Variants in ULK3 observed in about 807,000 individuals in gnomAD.
ULK3 encodes the protein serine/threonine-protein kinase ULK3.
In ULK3, 54 loss-of-function variants were observed where a neutral mutation model predicts 69.4. The ratio of observed to expected loss-of-function variants is 0.78; its 90% confidence interval spans 0.63 to 0.98. ULK3 has a LOEUF of 0.98. ULK3 is among the 50% of genes least tolerant of loss of function. The pLI, the probability that ULK3 is intolerant of heterozygous loss-of-function variation, is 0.00. For missense variants in ULK3, 558 were observed against 627.7 expected (o/e 0.89, Z 1.19); for synonymous variants, 240 against 254.5 (o/e 0.94, Z 0.54).
Position 74,840,579 on chromosome 15 carries a change from G to C in ULK3, c.532C>G (p.Leu178Val), listed in dbSNP as rs759102107. Residue 178 changes from leucine (L) to valine (V), a missense_variant, in exon 5 of 16, where the codon CTC becomes GTC. Physicochemically the swap from Leu to Val is conservative, Grantham distance 32. Transcript: ENST00000440863. ...CACACCATCTCGGGGGCCATGTAGA[G>C]GGGGGAGCCACGGAGCACGTGCTTC... ...DEKHVLRGSPLYMAPEMVCQR... is the reference protein window; with the variant it reads ...DEKHVLRGSPVYMAPEMVCQR... 1.9e-6 allele frequency: 3 copies of C among 1,607,682 alleles called. No individual in the cohort carries two copies. The highest frequency in any genetic ancestry group is 2.5e-6 in the Non-Finnish European group (3 of 1,177,956).
Position 74,842,904 on chromosome 15 carries a change from C to T in ULK3, c.102+100G>A. 2.9e-6 allele frequency: 4 copies of T among 1,394,748 alleles called. No individual in the cohort carries two copies. The highest frequency in any genetic ancestry group is 2.9e-6 in the Non-Finnish European group (3 of 1,037,322). The allele number at this position is 1,394,748 out of a possible 1,614,324, so 86.4% of individuals were successfully genotyped here. On this transcript the variant is annotated intron_variant, in intron 1 of 15. Transcript: ENST00000440863. This position sits in a 1 kb window ranked among gnomAD's most constrained non-coding sequence, Gnocchi z 4.9. ...AGCTGGGGCGAGGCCGGCCTCCCGC[C>T]CCTAACTATTCCCACACTGTCGCTA...
In ULK3 at chr15:74,839,385, C is replaced by G; in HGVS notation, c.853-12G>C. On this transcript the variant is annotated splice_polypyrimidine_tract_variant and intron_variant, in intron 7 of 15. Transcript: ENST00000440863. ...ACCACCAGGGCGGTCTGGGGATGGG[C>G]AGATCAGGGGTCAGGTCCACCTCCC... 6.4e-7 allele frequency: 1 copy of G among 1,555,750 alleles called. No homozygotes were observed. The highest frequency in any genetic ancestry group is 8.7e-7 in the Non-Finnish European group (1 of 1,149,368).
intron 3 of ULK3, 79 bp downstream of exon 3, chr15:74,841,996 C>G (rs2064267617): frequency 6.2e-7 from 1 of 1,600,616 alleles, no homozygotes; most frequent in Non-Finnish European, 8.5e-7. Context: ...TGCCAAGGCT[C>G]TAAGCCTGGG....
Position 74,842,421 on chromosome 15 carries a change from C to T in ULK3, c.103-1G>A. ...TGGCTACCACTTCACGAGTGTCCTT[C>T]TGCGAGACAGGAGATTTGGGGACTC... On this transcript the variant is annotated splice_acceptor_variant, in intron 1 of 15. Coordinates refer to ENST00000440863, the MANE Select transcript of ULK3 (RefSeq NM_001099436.4). LOFTEE classifies it high-confidence loss of function. This position sits in a 1 kb window ranked among gnomAD's most constrained non-coding sequence, Gnocchi z 4.9. 1 of 1,613,950 alleles carries T rather than the reference C, an allele frequency of 6.2e-7. No homozygotes were observed. The highest frequency in any genetic ancestry group is 8.5e-7 in the Non-Finnish European group (1 of 1,179,890).
At position 74,837,364 on chromosome 15, in the gene ULK3, C is replaced by T. The variant is rs1406378260; in HGVS notation, c.1402+5G>A. The T allele has an allele frequency of 2.5e-6, 4 of 1,613,010 alleles. No individual in the cohort carries two copies. The East Asian group carries it at 8.9e-5, about 36-fold the overall frequency. On this transcript the variant is annotated splice_donor_5th_base_variant and intron_variant, in intron 15 of 15. Coordinates refer to ENST00000440863, the MANE Select transcript of ULK3 (RefSeq NM_001099436.4). The stretch of plus-strand genomic sequence containing the variant: ...ATGGAGGATCGACCCCAGGGCAGGA[C>T]TCACAGCTACGAACAGATTCCGACA...
Position 74,839,547 on chromosome 15 carries a change from C to T in ULK3, c.852+11G>A, listed in dbSNP as rs897904249. On this transcript the variant is annotated intron_variant, in intron 7 of 15. Transcript: ENST00000440863. ...ACCCTCAGCCCACCCCAGCCCCAGC[C>T]GTCTGCTCACTGCTCGCCCCAGACT... 7.7e-6 allele frequency: 12 copies of T among 1,551,356 alleles called. No homozygotes were observed. Among genetic ancestry groups the T allele is most frequent in the East Asian group, 2.4e-5 (1 of 41,290 alleles).
chr15:74,839,397 C>G, intron 7 of ULK3, 24 bp from the exon 8 acceptor site: 2 of 1,552,424 alleles, frequency 1.3e-6, no homozygotes, highest in Non-Finnish European at 1.7e-6. Context: ...GATCAGGGGT[C>G]AGGTCCACCT....
rs764915031 is a variant in ULK3, at chr15:74,842,485, G to A, written c.103-65C>T. 1 of 1,610,676 alleles carries A rather than the reference G, an allele frequency of 6.2e-7. No homozygotes were observed. The highest frequency in any genetic ancestry group is 8.5e-7 in the Non-Finnish European group (1 of 1,179,818). ...CCAGGACCCTTGTCTGACTGGAAAG[G>A]CTCTATCTGGTTCCCTCTGTTCCCC... On this transcript the variant is annotated intron_variant, in intron 1 of 15. Transcript: ENST00000440863. The surrounding 1 kb of genome is among the most constrained non-coding windows in gnomAD (Gnocchi z 4.9).
Position 74,839,070 on chromosome 15 carries a change from A to C in ULK3, c.959-20T>G. Reference sequence around the variant, plus strand: ...CTTCATCTGCAGAAAGTGAGGTCATATGAGGAGTCTGGGCGAACCCCTCCC... The same window carrying C: ...CTTCATCTGCAGAAAGTGAGGTCATCTGAGGAGTCTGGGCGAACCCCTCCC... On this transcript the variant is annotated intron_variant, in intron 8 of 15. Transcript: ENST00000440863. The C allele has an allele frequency of 6.3e-7, 1 of 1,598,174 alleles. No homozygotes were observed. Among genetic ancestry groups the C allele is most frequent in the Non-Finnish European group, 8.5e-7 (1 of 1,172,432 alleles).
Position 74,839,041 on chromosome 15 carries a change from TC to T in ULK3, c.967del (p.Asp323MetfsTer34). 1 of 1,604,874 alleles carries T rather than the reference TC, an allele frequency of 6.2e-7. No individual in the cohort carries two copies. The highest frequency in any genetic ancestry group is 2.2e-5 in the East Asian group (1 of 44,676). On this transcript the variant is annotated frameshift_variant, in exon 9 of 16. Coordinates refer to ENST00000440863, the MANE Select transcript of ULK3 (RefSeq NM_001099436.4). LOFTEE classifies it high-confidence loss of function. ...FFVPALHYEV[D>X]AQRKEAIKAK... ...CTTAATTGCCTCCTTCCGCTGGGCA[TC>T]CACTTCATCTGCAGAAAGTGAGGTC... is the stretch of plus-strand genomic sequence containing the variant.
chr15:74,839,574 TC>T lies in ULK3; in HGVS notation c.835del (p.Glu279ArgfsTer14). 1 of 1,561,244 alleles carries T rather than the reference TC, an allele frequency of 6.4e-7. No homozygotes were observed. Among genetic ancestry groups the T allele is most frequent in the Admixed American group, 1.9e-5 (1 of 52,538 alleles). On this transcript the variant is annotated frameshift_variant, in exon 7 of 16. Coordinates refer to ENST00000440863, the MANE Select transcript of ULK3 (RefSeq NM_001099436.4). LOFTEE classifies it high-confidence loss of function. ...TCTGCTCACTGCTCGCCCCAGACTCTCCCCACTGGGCATGTGCTCCAGGTCC... is the reference window on the plus strand; with the variant it reads ...TCTGCTCACTGCTCGCCCCAGACTCTCCCACTGGGCATGTGCTCCAGGTCC... ...WVDLEHMPSGESLGRATALVV... is the reference protein window; with the variant it reads ...WVDLEHMPSGXSLGRATALVV...
At chr15:74,839,160 T>C in intron 8 of ULK3, 108 bp downstream of exon 8, 1 of 1,532,116 alleles carries the variant, frequency 6.5e-7, no homozygotes, top group Non-Finnish European at 8.8e-7. Context: ...CTCTGCTTTA[T>C]CGCCTACAAA....
Position 74,837,679 on chromosome 15 carries a change from G to A in ULK3, c.1335+72C>T. ...GAGAGCAGACATACACCAGCAGGGG[G>A]GGACGACAGCCACAAGCAGAGAGCA... On this transcript the variant is annotated intron_variant, in intron 14 of 15. Coordinates refer to ENST00000440863, the MANE Select transcript of ULK3 (RefSeq NM_001099436.4). 4.6e-6 allele frequency: 7 copies of A among 1,509,660 alleles called. No homozygotes were observed. The South Asian group carries it at 7.2e-5, about 16-fold the overall frequency. 93.5% of individuals were successfully genotyped at this position (1,509,660 alleles called of 1,614,324 possible). A position where few individuals can be genotyped will look rare whatever the true frequency, so the allele number is the denominator to read the frequency against.
In ULK3 at chr15:74,842,440, G is replaced by A; in HGVS notation, c.103-20C>T. The A allele has an allele frequency of 3.1e-6, 5 of 1,613,730 alleles. No individual in the cohort carries two copies. Among genetic ancestry groups the A allele is most frequent in the Non-Finnish European group, 4.2e-6 (5 of 1,179,872 alleles). Reference sequence around the variant, plus strand: ...GTCCTTCTGCGAGACAGGAGATTTGGGGACTCTGCCTTGAGGGGGCCAGGA... The same window carrying A: ...GTCCTTCTGCGAGACAGGAGATTTGAGGACTCTGCCTTGAGGGGGCCAGGA... On this transcript the variant is annotated intron_variant, in intron 1 of 15. Transcript: ENST00000440863. The surrounding 1 kb of genome is among the most constrained non-coding windows in gnomAD (Gnocchi z 4.9).
chr15:74,837,127 G>C lies in ULK3; in HGVS notation c.*101C>G, dbSNP rs1257927031. ...TCAGCACTGTCCATCCAAGAAGCCT[G>C]CTCGCCAGGGCTGCAGTGGGCCACT... On this transcript the variant is annotated 3_prime_UTR_variant, in exon 16 of 16. Transcript: ENST00000440863. The C allele has an allele frequency of 1.2e-5, 17 of 1,453,110 alleles. No homozygotes were observed. The African/African-American group carries it at 2.3e-4, about 19-fold the overall frequency. 90.0% of individuals were successfully genotyped at this position (1,453,110 alleles called of 1,614,324 possible). A position where few individuals can be genotyped will look rare whatever the true frequency, so the allele number is the denominator to read the frequency against.
intron 4 of ULK3, 138 bp from the exon 5 acceptor site, chr15:74,840,779 A>G: frequency 8.5e-7 from 1 of 1,171,534 alleles, no homozygotes; most frequent in Non-Finnish European, 1.2e-6. Context: ...GCTCATCATT[A>G]GGCTGGAACA....
Position 74,843,005 on chromosome 15 carries a change from T to G in ULK3, c.101A>C (p.Lys34Thr), listed in dbSNP as rs1231960202. 1 of 1,547,080 alleles carries G rather than the reference T, an allele frequency of 6.5e-7. No individual in the cohort carries two copies. The highest frequency in any genetic ancestry group is 8.7e-7 in the Non-Finnish European group (1 of 1,145,676). Reference protein sequence around the residue: ...TYATVYKAYAKKDTREVVAIK... With the variant: ...TYATVYKAYATKDTREVVAIK... ...ACGGGGCCATCGGCCGGCACCCACCTTGGCGTAGGCCTTGTACACCGTGGC... is the reference window on the plus strand; with the variant it reads ...ACGGGGCCATCGGCCGGCACCCACCGTGGCGTAGGCCTTGTACACCGTGGC... Residue 34 changes from lysine to threonine, a missense_variant and splice_region_variant, in exon 1 of 16, where the codon AAG (lysine) becomes ACG (threonine). Coordinates refer to ENST00000440863, the MANE Select transcript of ULK3 (RefSeq NM_001099436.4).
chr15:74,840,714 C>T (rs1340841195), intron 4 of ULK3, 73 bp from the exon 5 acceptor site: 3 of 1,493,008 alleles, frequency 2.0e-6, no homozygotes, highest in South Asian at 1.4e-5. Flanking sequence ...AGCCTCACCC[C>T]AGGCTCCTCT....
In ULK3 at chr15:74,839,563, G is replaced by A. The variant is rs1049069646; in HGVS notation, c.847C>T (p.Arg283Ter). The change falls in exon 7 of 16, where the codon CGA (arginine) becomes TGA (stop). Residue 283 changes from arginine (R) to a stop codon, truncating the protein, a stop_gained. Transcript: ENST00000440863. LOFTEE classifies it high-confidence loss of function. ...AGCCCCAGCCGTCTGCTCACTGCTC[G>A]CCCCAGACTCTCCCCACTGGGCATG... ...EHMPSGESLG[R>*]ATALVVQAVK... 10 of 1,558,156 alleles carry A rather than the reference G, an allele frequency of 6.4e-6. No individual in the cohort carries two copies. The highest frequency in any genetic ancestry group is 2.4e-5 in the East Asian group (1 of 41,688).
Sources: gnomAD v4.1 joint callset for allele counts on GRCh38, gnomAD v4.1.1 for gene constraint, Gnocchi (gnomAD v3.1) non-coding constraint, MANE v1.5 for transcripts, NCBI Gene and HGNC (gene_info 2026-07-23, HGNC 2026-07-21) for gene names.